The following SLC30A3 variants were observed in gnomAD, a reference collection of about 807,000 sequenced individuals.
The protein encoded by SLC30A3 is solute carrier family 30 member 3.
SLC30A3 carries 20 observed loss-of-function variants against 35.6 expected under a neutral mutation model. That is an observed-to-expected ratio of 0.56 (90% CI 0.39 to 0.82). The LOEUF is 0.82. Ranked by LOEUF, SLC30A3 falls within the 40% of genes least tolerant of loss-of-function variation. The pLI is 0.00. For missense variants in SLC30A3, 401 were observed against 530.6 expected (o/e 0.76, Z 2.40); for synonymous variants, 217 against 224.7 (o/e 0.97, Z 0.31).
chr2:27,270,330 C>CT (rs1677678282), intron 1 of SLC30A3, among the ~76,000 whole-genome samples: 1 of 151,970 alleles, frequency 6.6e-6, no homozygotes, highest in Admixed American at 6.6e-5. Context: ...CTTGGGAGGA[C>CT]TGGGGGCGGT....
chr2:27,262,910 C>A lies in SLC30A3; in HGVS notation c.-4G>T. 6.4e-7 allele frequency: 1 copy of A among 1,555,436 alleles called. No homozygotes were observed. The highest frequency in any genetic ancestry group is 8.6e-7 in the Non-Finnish European group (1 of 1,158,090). On this transcript the variant is annotated 5_prime_UTR_variant, in exon 1 of 8. Coordinates refer to ENST00000233535, the MANE Select transcript of SLC30A3 (RefSeq NM_003459.5). This position sits in a 1 kb window ranked among gnomAD's most constrained non-coding sequence, Gnocchi z 7.5. ...CAGCGGCTGGAGAGGGCTCCATGTT[C>A]CCGGTGCCCCGACCGTCTAGGCCCC... is the stretch of plus-strand genomic sequence containing the variant.
upstream of SLC30A3, chr2:27,264,194 G>A: frequency 1.8e-6 from 1 of 554,230 alleles, no homozygotes; most frequent in Non-Finnish European, 3.1e-6. The surrounding 1 kb of genome is among the most constrained non-coding windows in gnomAD (Gnocchi z 6.1). Flanking sequence ...GGGGAAGCGT[G>A]GAGGGTGGGA....
At position 27,257,525 on chromosome 2, in the gene SLC30A3, A is replaced by G. The variant is rs538164960; in HGVS notation, c.579-173T>C. 1.7e-4 allele frequency: 116 copies of G among 672,350 alleles called. No homozygotes were observed. In the African/African-American group the frequency reaches 2.0e-3, roughly 11 times the overall value. 41.6% of individuals were successfully genotyped at this position (672,350 alleles called of 1,614,324 possible). A position where few individuals can be genotyped will look rare whatever the true frequency, so the allele number is the denominator to read the frequency against. ...GAAAGAATACCAGACTTGGTGCCAC[A>G]CATGTGGATTCGGAAGCTGGCCCTG... On this transcript the variant is annotated intron_variant, in intron 4 of 7. Coordinates refer to ENST00000233535, the MANE Select transcript of SLC30A3 (RefSeq NM_003459.5). The surrounding 1 kb of genome is among the most constrained non-coding windows in gnomAD (Gnocchi z 4.7).
In SLC30A3 at chr2:27,255,450, A is replaced by G; in HGVS notation, c.1029T>C (p.Ala343=). 1 of 1,613,454 alleles carries G rather than the reference A, an allele frequency of 6.2e-7. No individual in the cohort carries two copies. The highest frequency in any genetic ancestry group is 8.5e-7 in the Non-Finnish European group (1 of 1,179,876). The change falls in exon 8 of 8, where the codon GCT becomes GCC. Residue 343 remains alanine (A), a synonymous_variant. Coordinates refer to ENST00000233535, the MANE Select transcript of SLC30A3 (RefSeq NM_003459.5). This position sits in a 1 kb window ranked among gnomAD's most constrained non-coding sequence, Gnocchi z 5.2. ...ASAHLAIDST[A]DPEAVLAEAS... ...CTTCAGCCAGGACGGCTTCAGGGTC[A>G]GCGGTGGAGTCTGTGGGAGAGTGAT...
In SLC30A3 at chr2:27,271,279, A is replaced by C. The variant is rs1677716965; in HGVS notation, c.-159+3898T>G. Among the ~76,000 whole-genome samples, 1 of 152,220 alleles carries C rather than the reference A, an allele frequency of 6.6e-6. No homozygotes were observed. Among genetic ancestry groups the C allele is most frequent in the Non-Finnish European group, 1.5e-5 (1 of 68,038 alleles). On this transcript the variant is annotated intron_variant, in intron 1 of 5. Transcript: ENST00000424577. This position sits in a 1 kb window ranked among gnomAD's most constrained non-coding sequence, Gnocchi z 4.3. The stretch of plus-strand genomic sequence containing the variant: ...GTCTGTATGTGTGTGTATTCCAGCT[A>C]TATGACTAAAACTTTAGTTGTTTGT...
chr2:27,267,525 C>T (rs184381644), upstream of SLC30A3, among the ~76,000 whole-genome samples: 406 of 152,286 alleles, frequency 2.7e-3, 5 homozygotes, highest in Non-Finnish European at 9.8e-4. Flanking sequence ...TTCACATTTG[C>T]TTATCTCACC....
At position 27,254,814 on chromosome 2, in the gene SLC30A3, G is replaced by A. The variant is rs1236633791; in HGVS notation, c.*498C>T. On this transcript the variant is annotated 3_prime_UTR_variant, in exon 8 of 8. Coordinates refer to ENST00000233535, the MANE Select transcript of SLC30A3 (RefSeq NM_003459.5). Reference sequence around the variant, plus strand: ...CACACACACACAGACAAAACCACAGGGCTAAGACACACGGACAAAGTGCGG... The same window carrying A: ...CACACACACACAGACAAAACCACAGAGCTAAGACACACGGACAAAGTGCGG... The A allele has an allele frequency of 1.0e-5, 3 of 287,368 alleles. No homozygotes were observed. The highest frequency in any genetic ancestry group is 2.0e-5 in the Non-Finnish European group (3 of 148,180). The allele number at this position is 287,368 out of a possible 1,614,324, so 17.8% of individuals were successfully genotyped here.
chr2:27,257,530 T>G lies in SLC30A3; in HGVS notation c.579-178A>C. 1.5e-6 allele frequency: 1 copy of G among 658,710 alleles called. No homozygotes were observed. The highest frequency in any genetic ancestry group is 2.6e-6 in the Non-Finnish European group (1 of 378,288). 40.8% of individuals were successfully genotyped at this position (658,710 alleles called of 1,614,324 possible). A position where few individuals can be genotyped will look rare whatever the true frequency, so the allele number is the denominator to read the frequency against. ...AATACCAGACTTGGTGCCACACATG[T>G]GGATTCGGAAGCTGGCCCTGTTACT... On this transcript the variant is annotated intron_variant, in intron 4 of 7. Coordinates refer to ENST00000233535, the MANE Select transcript of SLC30A3 (RefSeq NM_003459.5). The surrounding 1 kb of genome is among the most constrained non-coding windows in gnomAD (Gnocchi z 4.7).
chr2:27,258,789 C>A lies in SLC30A3; in HGVS notation c.241G>T (p.Ala81Ser), dbSNP rs1260119703. 1 of 1,614,250 alleles carries A rather than the reference C, an allele frequency of 6.2e-7. No individual in the cohort carries two copies. Residue 81 changes from alanine to serine, a missense_variant, in exon 2 of 8, where the codon GCC (alanine) becomes TCC (serine). Coordinates refer to ENST00000233535, the MANE Select transcript of SLC30A3 (RefSeq NM_003459.5). The surrounding 1 kb of genome is among the most constrained non-coding windows in gnomAD (Gnocchi z 4.0). ...HARRQLYAAC[A>S]VCFVFMAGEV... ...CCAGCCATGAAGACAAAGCAAACGG[C>A]ACAGGCAGCATATAGCTGCCTCCGT...
At chr2:27,263,088 G>A, upstream of SLC30A3, 1 of 1,348,358 alleles carries the variant, frequency 7.4e-7, no homozygotes, top group Admixed American at 4.0e-5. Flanking sequence ...GCTGCCGCCG[G>A]AGCCCCGCCC....
chr2:27,268,425 A>G (rs957880413), intron 1 of SLC30A3, among the ~76,000 whole-genome samples: 1 of 152,210 alleles, frequency 6.6e-6, no homozygotes, highest in African/African-American at 2.4e-5. Flanking sequence ...AAAAACAGAA[A>G]TATTTAGTGC....
rs763542795 is a variant in SLC30A3, at chr2:27,255,057, A to G, written c.*255T>C. On this transcript the variant is annotated 3_prime_UTR_variant, in exon 8 of 8. Coordinates refer to ENST00000233535, the MANE Select transcript of SLC30A3 (RefSeq NM_003459.5). This position sits in a 1 kb window ranked among gnomAD's most constrained non-coding sequence, Gnocchi z 5.2. ...ACAGGCCTTCAACACACCCTGCCAC[A>G]CTGAGGCCTGGGAGTCCCCGCCCCT... 38 of 1,431,406 alleles carry G rather than the reference A, an allele frequency of 2.7e-5. No homozygotes were observed. The South Asian group carries it at 3.8e-4, about 14-fold the overall frequency. 88.7% of individuals were successfully genotyped at this position (1,431,406 alleles called of 1,614,324 possible). A position where few individuals can be genotyped will look rare whatever the true frequency, so the allele number is the denominator to read the frequency against.
upstream of SLC30A3, chr2:27,263,347 T>G: frequency 2.2e-6 from 1 of 464,942 alleles, no homozygotes; most frequent in Non-Finnish European, 4.4e-6. Flanking sequence ...ACGACCAACC[T>G]TCGCCCAACG....
At chr2:27,259,700 G>A (rs564926126) in intron 1 of SLC30A3, among the ~76,000 whole-genome samples, 132 of 152,302 alleles carry the variant, frequency 8.7e-4, no homozygotes, top group Non-Finnish European at 1.4e-3. Flanking sequence ...GGCTCACAGA[G>A]TTGGGGGACA....
upstream of SLC30A3, among the ~76,000 whole-genome samples, chr2:27,267,276 TTTCCATC>T: frequency 6.6e-6 from 1 of 152,294 alleles, no homozygotes; most frequent in East Asian, 1.9e-4. Context: ...GGTCTCCATG[TTTCCATC>T]CTTACTGCCT....
In SLC30A3 at chr2:27,257,479, G is replaced by A; in HGVS notation, c.579-127C>T. 2.3e-6 allele frequency: 2 copies of A among 881,602 alleles called. No individual in the cohort carries two copies. Among genetic ancestry groups the A allele is most frequent in the Non-Finnish European group, 3.6e-6 (2 of 558,492 alleles). 54.6% of individuals were successfully genotyped at this position (881,602 alleles called of 1,614,324 possible). A position where few individuals can be genotyped will look rare whatever the true frequency, so the allele number is the denominator to read the frequency against. On this transcript the variant is annotated intron_variant, in intron 4 of 7. Coordinates refer to ENST00000233535, the MANE Select transcript of SLC30A3 (RefSeq NM_003459.5). This position sits in a 1 kb window ranked among gnomAD's most constrained non-coding sequence, Gnocchi z 4.7. The stretch of plus-strand genomic sequence containing the variant: ...GAAGAAAACAGCATTTTGCAAGAGA[G>A]ATAAACAATGCAGCCTGGGGGAAAG...
rs1239755156 is a variant in SLC30A3 at position 27,258,253 on chromosome 2, G to A, written c.332C>T (p.Ala111Val). Residue 111 changes from alanine (A) to valine (V), a missense_variant, in exon 3 of 8, where the codon GCG (alanine) becomes GTG (valine). By Grantham distance (64) the Ala-to-Val change is moderately conservative (BLOSUM62 0). Transcript: ENST00000233535. This position sits in a 1 kb window ranked among gnomAD's most constrained non-coding sequence, Gnocchi z 4.0. The stretch of plus-strand genomic sequence containing the variant: ...GCTGCCCATCATGCTGCCCACATCC[G>A]CCAGCAAGTGGGCTGCATCGGTCAT... ...AIMTDAAHLLADVGSMMGSLF... is the reference protein window; with the variant it reads ...AIMTDAAHLLVDVGSMMGSLF... The A allele has an allele frequency of 9.6e-6, 15 of 1,567,470 alleles. No homozygotes were observed. The highest frequency in any genetic ancestry group is 2.7e-5 in the African/African-American group (2 of 73,720).
At position 27,256,781 on chromosome 2, in the gene SLC30A3, G is replaced by A. The variant is rs757520204; in HGVS notation, c.883+7C>T. On this transcript the variant is annotated splice_region_variant and intron_variant, in intron 6 of 7. Transcript: ENST00000233535. ...ACAGGGATGGGGAGCTGTGGTGCCCGACTCACCTTCCATGAGGATTCGAAG... is the reference window on the plus strand; with the variant it reads ...ACAGGGATGGGGAGCTGTGGTGCCCAACTCACCTTCCATGAGGATTCGAAG... 2.6e-5 allele frequency: 41 copies of A among 1,584,622 alleles called. No homozygotes were observed. Among genetic ancestry groups the A allele is most frequent in the African/African-American group, 6.8e-5 (5 of 73,352 alleles).
intron 1 of SLC30A3, among the ~76,000 whole-genome samples, chr2:27,272,007 T>A (rs1677744407): frequency 6.6e-6 from 1 of 152,234 alleles, no homozygotes; most frequent in Non-Finnish European, 1.5e-5. Flanking sequence ...CTCACTTCTA[T>A]GAAGCAGGGA....
Sources: gnomAD v4.1 joint callset for allele counts (sites outside exome capture counted in the v4.1 genomes callset) on GRCh38, gnomAD v4.1.1 for gene constraint, Gnocchi (gnomAD v3.1) non-coding constraint, MANE v1.5 for transcripts, NCBI Gene and HGNC (gene_info 2026-07-23, HGNC 2026-07-21) for gene names.